The following FAM107B variants were observed in gnomAD, a reference collection of about 807,000 sequenced individuals.
The protein encoded by FAM107B is family with sequence similarity 107 member B, also known as protein FAM107B.
FAM107B carries 21 observed loss-of-function variants against 31.5 expected under a neutral mutation model. The ratio of observed to expected loss-of-function variants is 0.67; its 90% CI spans 0.47 to 0.96. The LOEUF (loss-of-function observed/expected upper bound fraction) is 0.96, where lower values mean the gene tolerates loss of function less well. FAM107B is among the 40% of genes least tolerant of loss of function. FAM107B has a pLI of 0.00. For missense variants in FAM107B, 452 were observed against 377.1 expected, an observed-to-expected ratio of 1.20 and a Z score of -1.64; for synonymous variants, 157 against 141.5, an observed-to-expected ratio of 1.11 and a Z score of -0.78.
Position 14,635,665 on chromosome 10 carries a change from T to TGG in FAM107B, c.469+31968_469+31969insCC, listed in dbSNP as rs1337736046. ...TTCTTTTTTTGAGATGCAGTCTCGT[T>TGG]CTGTCACCCAGGCTGGAGTACAGTG... On this transcript the variant is annotated intron_variant, in intron 2 of 4. Transcript: ENST00000181796. 8.5e-5 allele frequency among the ~76,000 whole-genome samples: 13 copies of TGG among 152,248 alleles called. No homozygotes were observed. In the East Asian group the frequency reaches 2.3e-3, roughly 27 times the overall value.
intron 1 of FAM107B, among the ~76,000 whole-genome samples, chr10:14,702,156 G>C (rs1399218375): frequency 6.6e-6 from 1 of 152,218 alleles, no homozygotes; most frequent in Non-Finnish European, 1.5e-5. Context: ...AAGGAACAAA[G>C]ACACGCACAT....
At chr10:14,566,635 A>G (rs1021193737) in intron 2 of FAM107B, among the ~76,000 whole-genome samples, 4 of 152,242 alleles carry the variant, frequency 2.6e-5, no homozygotes, top group Non-Finnish European at 5.9e-5. Context: ...CAGGTTGTTT[A>G]TGATACTGAG....
At chr10:14,723,160 AGAAC>A in intron 1 of FAM107B, 1 of 498,094 alleles carries the variant, frequency 2.0e-6, no homozygotes. Flanking sequence ...AGCCAGTACA[AGAAC>A]AGCTTAAGAC....
At chr10:14,626,949 T>C (rs1853182032) in intron 2 of FAM107B, among the ~76,000 whole-genome samples, 1 of 152,308 alleles carries the variant, frequency 6.6e-6, no homozygotes, top group Non-Finnish European at 1.5e-5. Flanking sequence ...CATCTGGATT[T>C]AAATCCTCAT....
chr10:14,747,420 G>A (rs902782346), intron 1 of FAM107B, among the ~76,000 whole-genome samples: 1 of 152,168 alleles, frequency 6.6e-6, no homozygotes, highest in Non-Finnish European at 1.5e-5. Context: ...TCTCATCTTT[G>A]TGAGTTTATC....
chr10:14,535,140 A>T (rs940984942), intron 2 of FAM107B, among the ~76,000 whole-genome samples: 2 of 152,224 alleles, frequency 1.3e-5, no homozygotes, highest in Non-Finnish European at 2.9e-5. Flanking sequence ...TAATCTTGTC[A>T]CAGTCACTTC....
At chr10:14,740,853 G>A (rs562880195) in intron 1 of FAM107B, among the ~76,000 whole-genome samples, 113 of 152,312 alleles carry the variant, frequency 7.4e-4, no homozygotes, top group African/African-American at 2.6e-3. Flanking sequence ...CCTAAAAATA[G>A]TCTAGCCCCT....
intron 2 of FAM107B, among the ~76,000 whole-genome samples, chr10:14,587,179 C>T (rs1254865409): frequency 6.6e-6 from 1 of 152,166 alleles, no homozygotes; most frequent in African/African-American, 2.4e-5. Context: ...AAAGCACTTA[C>T]GACATGCCAC....
At chr10:14,768,603 G>T (rs1232979847) in intron 1 of FAM107B, among the ~76,000 whole-genome samples, 1 of 152,196 alleles carries the variant, frequency 6.6e-6, no homozygotes. Flanking sequence ...AAGAATGATG[G>T]TGGCACCACA....
intron 1 of FAM107B, among the ~76,000 whole-genome samples, chr10:14,732,401 G>C (rs531145910): frequency 6.6e-6 from 1 of 152,308 alleles, no homozygotes; most frequent in South Asian, 2.1e-4. Context: ...TCCAAGAGCT[G>C]TTTTTAATGT....
intron 2 of FAM107B, among the ~76,000 whole-genome samples, chr10:14,607,524 T>C (rs1369447187): frequency 1.3e-5 from 2 of 152,234 alleles, no homozygotes; most frequent in Non-Finnish European, 2.9e-5. Flanking sequence ...CATATCACTC[T>C]GTGGGTGATA....
intron 3 of FAM107B, among the ~76,000 whole-genome samples, chr10:14,527,036 A>T (rs1217330667): frequency 6.6e-6 from 1 of 151,980 alleles, no homozygotes; most frequent in African/African-American, 2.4e-5. Flanking sequence ...ATGGGGTTTC[A>T]CCGTGTTAGC....
chr10:14,584,431 CAG>C (rs1394584241), intron 2 of FAM107B, among the ~76,000 whole-genome samples: 1 of 152,220 alleles, frequency 6.6e-6, no homozygotes, highest in African/African-American at 2.4e-5. Context: ...CCTCGGCACT[CAG>C]AGTCTTTCGC....
chr10:14,756,926 C>T lies in FAM107B; in HGVS notation c.411+17327G>A, dbSNP rs1832942515. Reference sequence around the variant, plus strand: ...AACACAAGAACAGAAAACCAAATATCGTGTGTTCTTACTTATAAGTGGGAG... The same window carrying T: ...AACACAAGAACAGAAAACCAAATATTGTGTGTTCTTACTTATAAGTGGGAG... On this transcript the variant is annotated intron_variant, in intron 1 of 4. Coordinates refer to ENST00000181796, the MANE Select transcript of FAM107B (RefSeq NM_031453.4). Among the ~76,000 whole-genome samples, 5 of 152,242 alleles carry T rather than the reference C, an allele frequency of 3.3e-5. No individual in the cohort carries two copies. The South Asian group carries it at 1.0e-3, about 32-fold the overall frequency.
chr10:14,674,927 C>T (rs563312970), intron 1 of FAM107B, among the ~76,000 whole-genome samples: 1 of 152,006 alleles, frequency 6.6e-6, no homozygotes, highest in Non-Finnish European at 1.5e-5. Context: ...TTTGTAGAGA[C>T]AGGGTTTTGC....
intron 2 of FAM107B, among the ~76,000 whole-genome samples, chr10:14,569,381 G>A (rs1160597308): frequency 9.9e-5 from 15 of 152,100 alleles, no homozygotes. Flanking sequence ...GTGGTGAGCT[G>A]CAGTTTGCAT....
intron 2 of FAM107B, among the ~76,000 whole-genome samples, chr10:14,584,052 G>A (rs549673991): frequency 9.2e-5 from 14 of 152,178 alleles, no homozygotes; most frequent in Admixed American, 3.9e-4. Flanking sequence ...TAGCTACTCC[G>A]GCAGATCCAG....
chr10:14,663,914 T>A (rs202107252), intron 2 of FAM107B, among the ~76,000 whole-genome samples: 903 of 68,848 alleles, frequency 0.013, no homozygotes, highest in Admixed American at 0.015. Flanking sequence ...AAAAAAAAAA[T>A]GGGCTGAACT....
chr10:14,683,612 C>A (rs7912900), intron 1 of FAM107B, among the ~76,000 whole-genome samples: 55,217 of 151,928 alleles, frequency 0.36, 10,805 homozygotes, highest in East Asian at 0.53. Flanking sequence ...GAGGGGTAAG[C>A]CTGGTTGTCT....
Sources: gnomAD v4.1 joint callset for allele counts (sites outside exome capture counted in the v4.1 genomes callset) on GRCh38, gnomAD v4.1.1 for gene constraint, MANE v1.5 for transcripts, NCBI Gene and HGNC (gene_info 2026-07-23, HGNC 2026-07-21) for gene names.